The following CDKL3 variants were observed in gnomAD, a reference collection of about 807,000 sequenced individuals.
CDKL3 encodes the protein cyclin-dependent kinase-like 3.
A neutral mutation model predicts 69.3 loss-of-function variants in CDKL3; 65 were observed. That is an observed-to-expected ratio of 0.94 (90% CI 0.77 to 1.15). CDKL3 has a LOEUF of 1.15. Among genes scored for constraint, CDKL3 ranks in the 50% most tolerant of loss-of-function variants. The pLI is 0.00. For synonymous variants in CDKL3, 202 were observed against 221.6 expected, an observed-to-expected ratio of 0.91 and a Z score of 0.79; for missense variants, 652 against 689.2, an observed-to-expected ratio of 0.95 and a Z score of 0.61.
chr5:134,333,992 G>A (rs1213326636), intron 4 of CDKL3, among the ~76,000 whole-genome samples: 1 of 152,174 alleles, frequency 6.6e-6, no homozygotes, highest in African/African-American at 2.4e-5. Flanking sequence ...TTCAGAACCT[G>A]TTATTGGTCT....
chr5:134,327,469 C>T (rs768030566), intron 4 of CDKL3, among the ~76,000 whole-genome samples: 2 of 152,206 alleles, frequency 1.3e-5, no homozygotes, highest in African/African-American at 4.8e-5. Flanking sequence ...GGCTCCTAAT[C>T]CCTTTCAAAG....
rs544950154 is a variant in CDKL3, at chr5:134,328,778, A to G, written c.540-6875T>C. ...TGAGAAAAACAAATCATCACTTACA[A>G]GAGAACTTTGGTAAGATTAACAACA... On this transcript the variant is annotated intron_variant, in intron 4 of 12. Coordinates refer to ENST00000265334, the MANE Select transcript of CDKL3 (RefSeq NM_001113575.2). Among the ~76,000 whole-genome samples the G allele has an allele frequency of 2.0e-3, 304 of 152,334 alleles. 4 individuals carry two copies. Among genetic ancestry groups the G allele is most frequent in the Middle Eastern group, 3.4e-3 (1 of 294 alleles).
chr5:134,361,148 A>G (rs542915454), intron 2 of CDKL3, among the ~76,000 whole-genome samples: 1 of 152,256 alleles, frequency 6.6e-6, no homozygotes, highest in Admixed American at 6.5e-5. Flanking sequence ...TACTTATTCT[A>G]TTTTTCATCA....
chr5:134,361,165 CTT>C (rs1755912261), intron 2 of CDKL3, among the ~76,000 whole-genome samples: 1 of 152,012 alleles, frequency 6.6e-6, no homozygotes, highest in African/African-American at 2.4e-5. Flanking sequence ...ATCACACTGA[CTT>C]AATTATAATC....
At chr5:134,362,296 G>A (rs1182892648) in intron 2 of CDKL3, among the ~76,000 whole-genome samples, 1 of 152,158 alleles carries the variant, frequency 6.6e-6, no homozygotes, top group East Asian at 1.9e-4. Context: ...AAGGCAGGCG[G>A]ATCACCTGAG....
Position 134,312,252 on chromosome 5 carries a change from A to G in CDKL3, c.881+40T>C, listed in dbSNP as rs752838604. 2.6e-5 allele frequency: 32 copies of G among 1,228,728 alleles called. No individual in the cohort carries two copies. The South Asian group carries it at 4.4e-4, about 17-fold the overall frequency. 76.1% of individuals were successfully genotyped at this position (1,228,728 alleles called of 1,614,324 possible). Reference sequence around the variant, plus strand: ...CCTGCTAGTAAAATTTCCCAATACAAAATGCTTTTAAAAAACCCACATTCA... The same window carrying G: ...CCTGCTAGTAAAATTTCCCAATACAGAATGCTTTTAAAAAACCCACATTCA... On this transcript the variant is annotated intron_variant, in intron 7 of 12. Transcript: ENST00000265334.
intron 4 of CDKL3, among the ~76,000 whole-genome samples, chr5:134,339,363 C>A (rs943249519): frequency 3.3e-5 from 5 of 151,900 alleles, no homozygotes; most frequent in Non-Finnish European, 7.4e-5. Context: ...ATCATGCAAT[C>A]AACAATCACA....
At chr5:134,297,651 G>A (rs1438656486), downstream of CDKL3, among the ~76,000 whole-genome samples, 7 of 150,090 alleles carry the variant, frequency 4.7e-5, no homozygotes, top group Admixed American at 6.6e-5. Context: ...GCACGATCTC[G>A]GCTCACCACA....
At chr5:134,368,618 CAAAAAAAAAAAA>C (rs11339001), upstream of CDKL3, among the ~76,000 whole-genome samples, 67 of 69,824 alleles carry the variant, frequency 9.6e-4, no homozygotes, top group Non-Finnish European at 1.0e-3. Context: ...GACTCCATCT[CAAAAAAAAAAAA>C]AAAAAAAAAA....
At chr5:134,324,366 C>G (rs76043667) in intron 4 of CDKL3, among the ~76,000 whole-genome samples, 1 of 152,208 alleles carries the variant, frequency 6.6e-6, no homozygotes, top group Non-Finnish European at 1.5e-5. Flanking sequence ...GAGTAGAACA[C>G]TTCTGTCCAC....
At chr5:134,329,450 AATTT>A (rs1775208577) in intron 4 of CDKL3, among the ~76,000 whole-genome samples, 1 of 151,894 alleles carries the variant, frequency 6.6e-6, no homozygotes, top group African/African-American at 2.4e-5. Flanking sequence ...TAATTAATTT[AATTT>A]AATTTAATTT....
chr5:134,327,028 T>C (rs577111936), intron 4 of CDKL3, among the ~76,000 whole-genome samples: 2 of 151,962 alleles, frequency 1.3e-5, no homozygotes, highest in African/African-American at 4.8e-5. Flanking sequence ...AGGCAAAGAC[T>C]CCACTCTAGG....
intron 2 of CDKL3, among the ~76,000 whole-genome samples, chr5:134,360,616 T>C (rs1388932943): frequency 6.6e-6 from 1 of 152,206 alleles, no homozygotes; most frequent in East Asian, 1.9e-4. Context: ...TGAGATATAT[T>C]ACTTTATCTC....
intron 4 of CDKL3, among the ~76,000 whole-genome samples, chr5:134,329,513 G>A (rs1226029955): frequency 1.3e-5 from 2 of 149,852 alleles, no homozygotes; most frequent in African/African-American, 2.5e-5. Flanking sequence ...TCGCTCTGTC[G>A]CCCAGGCTGG....
intron 4 of CDKL3, among the ~76,000 whole-genome samples, chr5:134,335,528 A>C (rs1776894735): frequency 6.6e-6 from 1 of 152,048 alleles, no homozygotes; most frequent in Non-Finnish European, 1.5e-5. Context: ...GTGGTGACAA[A>C]ATCTCTCAGC....
Position 134,301,300 on chromosome 5 carries a change from A to C in CDKL3, c.1719+1290T>G, listed in dbSNP as rs537499626. The stretch of plus-strand genomic sequence containing the variant: ...GGTGTGAGCCACTGTGCCCGGCCTA[A>C]TGGCATTCTTGTTCTACAACATTTC... On this transcript the variant is annotated intron_variant, in intron 12 of 12. Coordinates refer to ENST00000265334, the MANE Select transcript of CDKL3 (RefSeq NM_001113575.2). 2.6e-5 allele frequency among the ~76,000 whole-genome samples: 4 copies of C among 152,166 alleles called. No individual in the cohort carries two copies. The South Asian group carries it at 8.3e-4, about 32-fold the overall frequency.
At chr5:134,368,344 C>T (rs1331199568), upstream of CDKL3, among the ~76,000 whole-genome samples, 3 of 152,272 alleles carry the variant, frequency 2.0e-5, no homozygotes, top group African/African-American at 7.2e-5. Context: ...TTCAGACGGG[C>T]GCAGTGGCTA....
At chr5:134,303,560 G>A (rs1766891300) in intron 11 of CDKL3, among the ~76,000 whole-genome samples, 1 of 149,458 alleles carries the variant, frequency 6.7e-6, no homozygotes, top group Non-Finnish European at 1.5e-5. Flanking sequence ...TTTATCCTTT[G>A]CAGCCAGCTG....
chr5:134,330,729 A>C (rs1246774600), intron 4 of CDKL3, among the ~76,000 whole-genome samples: 1 of 152,090 alleles, frequency 6.6e-6, no homozygotes, highest in African/African-American at 2.4e-5. Flanking sequence ...AAAAAAAAAC[A>C]AAAAAAGCTT....
Sources: gnomAD v4.1 joint callset for allele counts (sites outside exome capture counted in the v4.1 genomes callset) on GRCh38, gnomAD v4.1.1 for gene constraint, MANE v1.5 for transcripts, NCBI Gene and HGNC (gene_info 2026-07-23, HGNC 2026-07-21) for gene names.